Variants in DLG2 observed in about 807,000 individuals in gnomAD.
The protein encoded by DLG2 is discs large MAGUK scaffold protein 2, also known as disks large homolog 2.
In DLG2, 45 loss-of-function variants were observed where a neutral mutation model predicts 132.5. That is an observed-to-expected ratio of 0.34 (90% CI 0.27 to 0.44). DLG2 has a LOEUF of 0.44. DLG2 is among the 20% of genes least tolerant of loss of function. The probability of loss-of-function intolerance (pLI) is 1.00; values close to 1 mark genes in which losing one functional copy is unlikely to be tolerated. For synonymous variants in DLG2, 424 were observed against 419.6 expected, an observed-to-expected ratio of 1.01 and a Z score of -0.13; for missense variants, 1,045 against 1,196.9, an observed-to-expected ratio of 0.87 and a Z score of 1.87.
intron 11 of DLG2, among the ~76,000 whole-genome samples, chr11:84,031,463 T>C (rs2095689220): frequency 6.6e-6 from 1 of 152,076 alleles, no homozygotes; most frequent in Admixed American, 6.6e-5. Flanking sequence ...CTGCCTGAGA[T>C]TGTATCAAAA....
chr11:84,915,385 T>C (rs2095609465), intron 6 of DLG2, among the ~76,000 whole-genome samples: 1 of 152,228 alleles, frequency 6.6e-6, no homozygotes, highest in African/African-American at 2.4e-5. Context: ...AAAGGAGGTA[T>C]TGCTTTTTAA....
chr11:83,623,291 T>C (rs1210362680), intron 19 of DLG2, among the ~76,000 whole-genome samples: 1 of 152,218 alleles, frequency 6.6e-6, no homozygotes, highest in Non-Finnish European at 1.5e-5. Flanking sequence ...TAGGGTTCCA[T>C]ATTAATTTGA....
At chr11:84,994,196 C>T (rs1303990754) in intron 6 of DLG2, among the ~76,000 whole-genome samples, 2 of 152,100 alleles carry the variant, frequency 1.3e-5, no homozygotes, top group Non-Finnish European at 2.9e-5. Flanking sequence ...TACTCTTAGC[C>T]CTAATACAAA....
chr11:84,971,954 T>C (rs1358951805), intron 6 of DLG2, among the ~76,000 whole-genome samples: 10 of 152,142 alleles, frequency 6.6e-5, no homozygotes, highest in Non-Finnish European at 1.3e-4. Context: ...TAAGGCACTT[T>C]GCTTCTTGCT....
intron 7 of DLG2, among the ~76,000 whole-genome samples, chr11:84,273,534 G>A (rs1341432092): frequency 1.3e-5 from 2 of 152,002 alleles, no homozygotes; most frequent in Admixed American, 6.6e-5. Flanking sequence ...GTCTTCACAC[G>A]GGTCTGGTGA....
intron 18 of DLG2, among the ~76,000 whole-genome samples, chr11:83,713,092 T>C (rs776231914): frequency 2.6e-5 from 4 of 152,206 alleles, no homozygotes; most frequent in African/African-American, 2.4e-5. Flanking sequence ...CAGATTATCA[T>C]ATTAGTTACA....
At chr11:85,164,695 G>GATTAAATGA (rs1214895344) in intron 4 of DLG2, among the ~76,000 whole-genome samples, 1 of 152,102 alleles carries the variant, frequency 6.6e-6, no homozygotes, top group Non-Finnish European at 1.5e-5. Flanking sequence ...TTAATGAAAA[G>GATTAAATGA]TTACAATAAG....
intron 12 of DLG2, among the ~76,000 whole-genome samples, chr11:83,974,489 A>T (rs1451346253): frequency 6.6e-6 from 1 of 152,144 alleles, no homozygotes; most frequent in East Asian, 1.9e-4. Flanking sequence ...TCTAAGAAGA[A>T]GGCTCCATGA....
intron 6 of DLG2, among the ~76,000 whole-genome samples, chr11:84,766,303 T>C (rs867631997): frequency 6.6e-6 from 1 of 152,058 alleles, no homozygotes; most frequent in African/African-American, 2.4e-5. Context: ...GTGGAGTAGA[T>C]GAGGTGTCAT....
intron 11 of DLG2, among the ~76,000 whole-genome samples, chr11:84,053,294 G>A (rs921864574): frequency 6.6e-6 from 1 of 151,904 alleles, no homozygotes; most frequent in African/African-American, 2.4e-5. Context: ...GAGAGCATCA[G>A]GTACTAGGAA....
chr11:83,609,751 A>AT (rs1304836366), intron 19 of DLG2, among the ~76,000 whole-genome samples: 1 of 152,024 alleles, frequency 6.6e-6, no homozygotes, highest in Non-Finnish European at 1.5e-5. Context: ...AGCAAAAAAA[A>AT]CCCTGCTGGA....
At chr11:85,056,019 C>T (rs1011416696) in intron 6 of DLG2, among the ~76,000 whole-genome samples, 1 of 152,006 alleles carries the variant, frequency 6.6e-6, no homozygotes, top group Non-Finnish European at 1.5e-5. Context: ...TTAAGTAAAA[C>T]CTCTCCAAAG....
rs909468081 is a variant in DLG2 at position 84,281,922 on chromosome 11, T to TA, written c.520-30632dup. ...GTCTCATACACTGCTGGTGAGAATA[T>TA]AAAAAATTGTACAACCCCTTTGGAA... On this transcript the variant is annotated intron_variant, in intron 7 of 27. Coordinates refer to ENST00000376104, the MANE Select transcript of DLG2 (RefSeq NM_001142699.3). Among the ~76,000 whole-genome samples, 28 of 152,288 alleles carry TA rather than the reference T, an allele frequency of 1.8e-4. 1 individual carries two copies. Among genetic ancestry groups the TA allele is most frequent in the African/African-American group, 6.7e-4 (28 of 41,572 alleles).
intron 6 of DLG2, among the ~76,000 whole-genome samples, chr11:84,608,605 A>C (rs12796941): frequency 6.6e-6 from 1 of 152,126 alleles, no homozygotes; most frequent in African/African-American, 2.4e-5. Context: ...AACAGATCTC[A>C]CAGAAATATA....
At chr11:84,865,722 T>G (rs1483249354) in intron 6 of DLG2, among the ~76,000 whole-genome samples, 1 of 152,076 alleles carries the variant, frequency 6.6e-6, no homozygotes, top group Non-Finnish European at 1.5e-5. Context: ...CCGAAAACAA[T>G]CTTCAATGCT....
At chr11:84,566,507 A>G (rs1410272181) in intron 6 of DLG2, among the ~76,000 whole-genome samples, 2 of 152,182 alleles carry the variant, frequency 1.3e-5, no homozygotes, top group African/African-American at 2.4e-5. Context: ...CTTGCAACAC[A>G]GCTTTGTTTG....
Position 83,911,206 on chromosome 11 carries a change from G to A in DLG2, c.1496+19122C>T, listed in dbSNP as rs956313524. ...AGTGTAGAGGAATAGCAAGGGCAGA[G>A]GCAGAGAGAGGAAGGAACAGGGGAA... On this transcript the variant is annotated intron_variant, in intron 15 of 27. Transcript: ENST00000376104. Among the ~76,000 whole-genome samples the A allele has an allele frequency of 3.3e-5, 5 of 152,166 alleles. 1 individual carries two copies. The highest frequency in any genetic ancestry group is 1.5e-5 in the Non-Finnish European group (1 of 67,970).
At chr11:85,240,784 C>G (rs1188690643) in intron 4 of DLG2, among the ~76,000 whole-genome samples, 1 of 151,720 alleles carries the variant, frequency 6.6e-6, no homozygotes, top group African/African-American at 2.4e-5. Flanking sequence ...AGCATGGTGT[C>G]TTATTACTAT....
chr11:84,394,228 C>T (rs1335406356), intron 7 of DLG2, among the ~76,000 whole-genome samples: 1 of 152,002 alleles, frequency 6.6e-6, no homozygotes, highest in Non-Finnish European at 1.5e-5. Context: ...AATATATGTT[C>T]ATTTAGATTA....
Sources: gnomAD v4.1 joint callset for allele counts (sites outside exome capture counted in the v4.1 genomes callset) on GRCh38, gnomAD v4.1.1 for gene constraint, MANE v1.5 for transcripts, NCBI Gene and HGNC (gene_info 2026-07-23, HGNC 2026-07-21) for gene names.